Variants in AFG1L observed in about 807,000 individuals in gnomAD.
AFG1L encodes AFG1-like ATPase.
AFG1L carries 53 observed loss-of-function variants against 62.2 expected under a neutral mutation model. That is an observed-to-expected ratio of 0.85 (90% CI 0.68 to 1.07). The LOEUF (loss-of-function observed/expected upper bound fraction) is 1.07, where lower values mean the gene tolerates loss of function less well. Ranked by LOEUF, AFG1L falls within the 50% of genes least tolerant of loss-of-function variation. AFG1L has a pLI of 0.00. For missense variants in AFG1L, 555 were observed against 590.5 expected (o/e 0.94, Z 0.62); for synonymous variants, 228 against 210.3 (o/e 1.08, Z -0.73).
chr6:108,397,460 T>A (rs915455103), intron 6 of AFG1L, among the ~76,000 whole-genome samples: 1 of 152,222 alleles, frequency 6.6e-6, no homozygotes, highest in Non-Finnish European at 1.5e-5. Flanking sequence ...TTTCACCATG[T>A]TGGCCAGGCT....
intron 8 of AFG1L, among the ~76,000 whole-genome samples, chr6:108,455,402 C>G (rs1161595907): frequency 2.0e-5 from 3 of 152,100 alleles, no homozygotes; most frequent in Non-Finnish European, 2.9e-5. Flanking sequence ...TCTGATCATG[C>G]TTACTGCAGT....
chr6:108,465,751 G>A (rs1484485458), intron 8 of AFG1L, among the ~76,000 whole-genome samples: 4 of 150,772 alleles, frequency 2.7e-5, no homozygotes, highest in South Asian at 4.2e-4. Flanking sequence ...CTTGAAGCAC[G>A]GGTTTTAAAA....
At chr6:108,409,343 A>T (rs147057449) in intron 7 of AFG1L, among the ~76,000 whole-genome samples, 46 of 152,322 alleles carry the variant, frequency 3.0e-4, no homozygotes, top group African/African-American at 1.1e-3. Flanking sequence ...AGGAGAACTC[A>T]CAATCAAAGT....
chr6:108,494,401 G>A (rs1462527836), intron 10 of AFG1L, among the ~76,000 whole-genome samples: 1 of 151,504 alleles, frequency 6.6e-6, no homozygotes, highest in Non-Finnish European at 1.5e-5. Context: ...TGATTTTTTT[G>A]TTAAGTCATT....
chr6:108,332,356 TAGAC>T (rs1322055543), intron 2 of AFG1L, among the ~76,000 whole-genome samples: 2 of 152,194 alleles, frequency 1.3e-5, no homozygotes, highest in Non-Finnish European at 2.9e-5. Context: ...TTCCATTAAA[TAGAC>T]AGACAAATAG....
intron 7 of AFG1L, among the ~76,000 whole-genome samples, chr6:108,441,862 C>T (rs1235867785): frequency 6.6e-6 from 1 of 151,844 alleles, no homozygotes; most frequent in East Asian, 1.9e-4. Context: ...TTTCGTAGGT[C>T]TTAATCACTC....
At chr6:108,391,082 T>C (rs1781037375) in intron 6 of AFG1L, among the ~76,000 whole-genome samples, 2 of 152,208 alleles carry the variant, frequency 1.3e-5, no homozygotes, top group South Asian at 4.1e-4. Context: ...TAAACATGCA[T>C]GTGCAGGTAT....
chr6:108,378,495 TTTTAGTA>T (rs1780348398), intron 6 of AFG1L, among the ~76,000 whole-genome samples: 1 of 152,086 alleles, frequency 6.6e-6, no homozygotes, highest in Non-Finnish European at 1.5e-5. Flanking sequence ...ATTTTTGTAT[TTTTAGTA>T]GAGATGGGGT....
At chr6:108,394,872 G>A (rs1781221910) in intron 6 of AFG1L, among the ~76,000 whole-genome samples, 1 of 152,102 alleles carries the variant, frequency 6.6e-6, no homozygotes, top group Non-Finnish European at 1.5e-5. Context: ...CCACAATCAT[G>A]GCTATCAACT....
intron 1 of AFG1L, among the ~76,000 whole-genome samples, chr6:108,306,931 T>TA (rs1291568666): frequency 5.3e-5 from 8 of 152,194 alleles, no homozygotes; most frequent in African/African-American, 1.7e-4. Flanking sequence ...TTGCGACTCT[T>TA]AGAGTTATTA....
chr6:108,368,324 A>G (rs1331975006), intron 6 of AFG1L, among the ~76,000 whole-genome samples: 1 of 152,148 alleles, frequency 6.6e-6, no homozygotes, highest in Non-Finnish European at 1.5e-5. Context: ...TTCCTTAATT[A>G]AAATGTGTAA....
chr6:108,492,699 C>A (rs1773821373), intron 10 of AFG1L, among the ~76,000 whole-genome samples: 2 of 151,418 alleles, frequency 1.3e-5, no homozygotes, highest in Admixed American at 6.6e-5. Flanking sequence ...ATAATTCTAG[C>A]AACAGTTGGG....
chr6:108,333,077 G>A (rs914429389), intron 2 of AFG1L, among the ~76,000 whole-genome samples: 2 of 152,116 alleles, frequency 1.3e-5, no homozygotes, highest in Non-Finnish European at 2.9e-5. Flanking sequence ...AAGTGAAAAG[G>A]TAGACGACAG....
intron 1 of AFG1L, among the ~76,000 whole-genome samples, chr6:108,308,130 G>A (rs1167957014): frequency 6.6e-6 from 1 of 151,992 alleles, no homozygotes; most frequent in African/African-American, 2.4e-5. Context: ...TCTTATAAGT[G>A]GTATAAGGCT....
At chr6:108,323,383 A>G (rs1053196013) in intron 1 of AFG1L, among the ~76,000 whole-genome samples, 2 of 151,254 alleles carry the variant, frequency 1.3e-5, no homozygotes, top group Non-Finnish European at 2.9e-5. Flanking sequence ...TTTTTTTTTG[A>G]GACCGAGTGT....
At chr6:108,374,354 A>T (rs1395674846) in intron 6 of AFG1L, among the ~76,000 whole-genome samples, 2 of 152,078 alleles carry the variant, frequency 1.3e-5, no homozygotes, top group African/African-American at 4.8e-5. Context: ...GGCCTTACTT[A>T]CAAATTTTTG....
intron 7 of AFG1L, among the ~76,000 whole-genome samples, chr6:108,413,998 G>C (rs2114667182): frequency 6.6e-6 from 1 of 152,074 alleles, no homozygotes; most frequent in East Asian, 1.9e-4. Context: ...TTTTTTGAAA[G>C]GATCAACAAA....
At chr6:108,327,435 G>C (rs973631929) in intron 2 of AFG1L, among the ~76,000 whole-genome samples, 6 of 152,168 alleles carry the variant, frequency 3.9e-5, no homozygotes, top group Non-Finnish European at 7.3e-5. Context: ...TGTAGTTCTG[G>C]GTGCTGGGAA....
intron 7 of AFG1L, among the ~76,000 whole-genome samples, chr6:108,416,300 A>G (rs1468959785): frequency 1.3e-5 from 2 of 152,232 alleles, no homozygotes; most frequent in East Asian, 3.8e-4. Context: ...ATGTGGAGAA[A>G]TAGGAATGCT....
Sources: gnomAD v4.1 joint callset for allele counts (sites outside exome capture counted in the v4.1 genomes callset) on GRCh38, gnomAD v4.1.1 for gene constraint, MANE v1.5 for transcripts, NCBI Gene and HGNC (gene_info 2026-07-23, HGNC 2026-07-21) for gene names.